The following KIAA1191 variants were observed in gnomAD, a reference collection of about 807,000 sequenced individuals.
The protein encoded by KIAA1191 is putative monooxygenase p33MONOX.
A neutral mutation model predicts 31.1 loss-of-function variants in KIAA1191; 22 were observed. The observed-to-expected ratio is 0.71, with a 90% confidence interval of 0.51 to 1.01. The LOEUF (loss-of-function observed/expected upper bound fraction) is 1.01. Among genes scored for constraint, KIAA1191 ranks in the 50% least tolerant of loss-of-function variants. The probability of loss-of-function intolerance (pLI) is 0.00; values close to 1 mark genes in which losing one functional copy is unlikely to be tolerated. For synonymous variants in KIAA1191, 130 were observed against 143.9 expected (o/e 0.90, Z 0.69); for missense variants, 319 against 388.0 (o/e 0.82, Z 1.49).
At position 176,348,414 on chromosome 5, in the gene KIAA1191, T is replaced by G. The variant is rs1766707797; in HGVS notation, c.460-58A>C. On this transcript the variant is annotated intron_variant, in intron 6 of 8. Coordinates refer to ENST00000298569, the MANE Select transcript of KIAA1191 (RefSeq NM_020444.5). The stretch of plus-strand genomic sequence containing the variant: ...AAAATGAAAGCAAATTCCAAACAGA[T>G]AAGTCTAGGCATAAAAAATTTGGTT... 5.2e-6 allele frequency: 7 copies of G among 1,340,994 alleles called. No homozygotes were observed. The South Asian group carries it at 7.3e-5, about 14-fold the overall frequency. 83.1% of individuals were successfully genotyped at this position (1,340,994 alleles called of 1,614,324 possible). A position where few individuals can be genotyped will look rare whatever the true frequency, so the allele number is the denominator to read the frequency against.
At chr5:176,359,083 C>CAA (rs70991539) in intron 3 of KIAA1191, among the ~76,000 whole-genome samples, 6 of 51,876 alleles carry the variant, frequency 1.2e-4, no homozygotes, top group East Asian at 1.0e-3. Flanking sequence ...GACTCTGTCT[C>CAA]AAAAAAAAAA....
intron 5 of KIAA1191, 107 bp downstream of exon 5, chr5:176,352,515 A>G (rs1047306477): frequency 7.6e-7 from 1 of 1,314,574 alleles, no homozygotes; most frequent in African/African-American, 1.5e-5. Flanking sequence ...ATTTTTTAGG[A>G]TAAGGTAAGG....
chr5:176,355,600 G>C lies in KIAA1191; in HGVS notation c.178C>G (p.Pro60Ala). The C allele has an allele frequency of 6.2e-7, 1 of 1,611,678 alleles. No homozygotes were observed. Among genetic ancestry groups the C allele is most frequent in the Non-Finnish European group, 8.5e-7 (1 of 1,179,444 alleles). The change falls in exon 4 of 9, where the codon CCA becomes GCA. Residue 60 changes from proline (P) to alanine (A), a missense_variant. Coordinates refer to ENST00000298569, the MANE Select transcript of KIAA1191 (RefSeq NM_020444.5). This position sits in a 1 kb window ranked among gnomAD's most constrained non-coding sequence, Gnocchi z 4.2. ...GCGAGGTGCTGATACTTGCGCTCTG[G>C]AATCACTGGCTTCCAAGGGACGCTG... ...MGSVPWKPVI[P>A]ERKYQHLAKV...
Position 176,348,825 on chromosome 5 carries a change from G to A in KIAA1191, c.460-469C>T, listed in dbSNP as rs372463824. On this transcript the variant is annotated intron_variant, in intron 6 of 8. Coordinates refer to ENST00000298569, the MANE Select transcript of KIAA1191 (RefSeq NM_020444.5). The stretch of plus-strand genomic sequence containing the variant: ...CTCTCCAGCTAAATGCTTCCTCTGA[G>A]GAGCCTGTTCCATTCTCTCCTCCTT... 2.0e-5 allele frequency among the ~76,000 whole-genome samples: 3 copies of A among 152,152 alleles called. No homozygotes were observed. In the East Asian group the frequency reaches 5.8e-4, roughly 29 times the overall value.
intron 5 of KIAA1191, 130 bp downstream of exon 5, chr5:176,352,492 C>T: frequency 1.9e-6 from 2 of 1,058,766 alleles, no homozygotes. Flanking sequence ...CATGATTCAG[C>T]AGCCAAACTG....
In KIAA1191 at chr5:176,357,452, AAAT is replaced by A. The variant is rs142058401; in HGVS notation, c.29-1706_29-1704del. 5.5e-3 allele frequency among the ~76,000 whole-genome samples: 833 copies of A among 152,326 alleles called. 9 individuals are homozygous for A. The highest frequency in any genetic ancestry group is 0.019 in the African/African-American group (791 of 41,568). ...TTACATCTCAAACACACACACAAGC[AAAT>A]AATAATTACTAAGTCTTCCTCCTTG... On this transcript the variant is annotated intron_variant, in intron 3 of 8. Coordinates refer to ENST00000298569, the MANE Select transcript of KIAA1191 (RefSeq NM_020444.5).
At position 176,359,495 on chromosome 5, in the gene KIAA1191, T is replaced by G. The variant is rs751126594; in HGVS notation, c.14A>C (p.Gln5Pro). The G allele has an allele frequency of 6.2e-7, 1 of 1,613,852 alleles. No individual in the cohort carries two copies. The highest frequency in any genetic ancestry group is 1.1e-5 in the South Asian group (1 of 91,078). The change falls in exon 3 of 9, where the codon CAA becomes CCA. Residue 5 changes from glutamine (Q) to proline (P), a missense_variant. Transcript: ENST00000298569. The part of the protein sequence containing the change: MASR[Q>P]PEVPALEASA... ...ATTAAGTTTACCAGGCACTTCTGGTTGTCTTGAAGCCATTGAAAGACTGGG... is the reference window on the plus strand; with the variant it reads ...ATTAAGTTTACCAGGCACTTCTGGTGGTCTTGAAGCCATTGAAAGACTGGG...
chr5:176,355,670 G>A lies in KIAA1191; in HGVS notation c.108C>T (p.Thr36=), dbSNP rs758078140. 7.4e-6 allele frequency: 12 copies of A among 1,613,354 alleles called. No homozygotes were observed. Among genetic ancestry groups the A allele is most frequent in the Non-Finnish European group, 8.5e-6 (10 of 1,180,050 alleles). ...GAGTCATGGGCGCAGGGTCCTCGAG[G>A]GTATCATCATAGCTGACTGCCCGGC... is the stretch of plus-strand genomic sequence containing the variant. ...IYRRAVSYDD[T]LEDPAPMTPP... The change falls in exon 4 of 9, where the codon ACC becomes ACT. Residue 36 remains threonine (T), a synonymous_variant. Coordinates refer to ENST00000298569, the MANE Select transcript of KIAA1191 (RefSeq NM_020444.5). This position sits in a 1 kb window ranked among gnomAD's most constrained non-coding sequence, Gnocchi z 4.2.
intron 4 of KIAA1191, 49 bp from the exon 5 acceptor site, chr5:176,352,797 T>A: frequency 6.4e-7 from 1 of 1,565,876 alleles, no homozygotes; most frequent in Non-Finnish European, 8.7e-7. Flanking sequence ...GGCAGGGGAG[T>A]CACACACCTA....
At chr5:176,358,646 G>A (rs1013300946) in intron 3 of KIAA1191, among the ~76,000 whole-genome samples, 2 of 151,974 alleles carry the variant, frequency 1.3e-5, no homozygotes, top group South Asian at 2.1e-4. Flanking sequence ...CCCAGGAGGC[G>A]GAGGTTGCAG....
intron 3 of KIAA1191, among the ~76,000 whole-genome samples, chr5:176,358,591 C>T (rs1429887724): frequency 6.6e-6 from 1 of 152,176 alleles, no homozygotes; most frequent in South Asian, 2.1e-4. Flanking sequence ...TGGCAGGCAG[C>T]TGTAATCCCA....
chr5:176,355,629 A>G lies in KIAA1191; in HGVS notation c.149T>C (p.Met50Thr), dbSNP rs1767445511. Residue 50 changes from methionine (M) to threonine (T), a missense_variant, in exon 4 of 9, where the codon ATG becomes ACG. Physicochemically the swap from Met to Thr is moderately conservative, Grantham distance 81. Transcript: ENST00000298569. The surrounding 1 kb of genome is among the most constrained non-coding windows in gnomAD (Gnocchi z 4.2). ...CACTGGCTTCCAAGGGACGCTGCCCATGTCCGATGGAGGAGGAGTCATGGG... is the reference window on the plus strand; with the variant it reads ...CACTGGCTTCCAAGGGACGCTGCCCGTGTCCGATGGAGGAGGAGTCATGGG... Reference protein sequence around the residue: ...PAPMTPPPSDMGSVPWKPVIP... With the variant: ...PAPMTPPPSDTGSVPWKPVIP... 3 of 1,612,526 alleles carry G rather than the reference A, an allele frequency of 1.9e-6. No homozygotes were observed. The highest frequency in any genetic ancestry group is 2.2e-5 in the South Asian group (2 of 91,018).
chr5:176,347,836 A>G lies in KIAA1191; in HGVS notation c.710-28T>C, dbSNP rs115897835. ...ACAAAAGTGAACCAGAGTGCAAATG[A>G]TTTCAAAACCAGTAAACAGCTCCCG... is the stretch of plus-strand genomic sequence containing the variant. On this transcript the variant is annotated intron_variant, in intron 8 of 8. Coordinates refer to ENST00000298569, the MANE Select transcript of KIAA1191 (RefSeq NM_020444.5). 6.6e-4 allele frequency: 1,065 copies of G among 1,603,542 alleles called. 7 individuals carry two copies. The African/African-American group carries it at 0.012, about 19-fold the overall frequency.
chr5:176,349,736 A>G (rs1250329570), intron 6 of KIAA1191, among the ~76,000 whole-genome samples: 1 of 152,184 alleles, frequency 6.6e-6, no homozygotes, highest in Non-Finnish European at 1.5e-5. Context: ...CTCGTTATGT[A>G]TAATGTATAC....
intron 3 of KIAA1191, among the ~76,000 whole-genome samples, chr5:176,356,528 A>T (rs1348696316): frequency 6.6e-6 from 1 of 152,232 alleles, no homozygotes; most frequent in Non-Finnish European, 1.5e-5. Flanking sequence ...TTTAAACAGT[A>T]GAGTCACTTT....
chr5:176,355,349 G>A lies in KIAA1191; in HGVS notation c.207+222C>T, dbSNP rs1386395054. On this transcript the variant is annotated intron_variant, in intron 4 of 8. Transcript: ENST00000298569. The surrounding 1 kb of genome is among the most constrained non-coding windows in gnomAD (Gnocchi z 4.2). Reference sequence around the variant, plus strand: ...TCACCACTATACAATTCATCCATGCGAACAACACCTCGGGTAACCCTAAAG... The same window carrying A: ...TCACCACTATACAATTCATCCATGCAAACAACACCTCGGGTAACCCTAAAG... Among the ~76,000 whole-genome samples, 1 of 151,298 alleles carries A rather than the reference G, an allele frequency of 6.6e-6. No individual in the cohort carries two copies. The highest frequency in any genetic ancestry group is 1.5e-5 in the Non-Finnish European group (1 of 67,922).
intron 4 of KIAA1191, among the ~76,000 whole-genome samples, 200 bp from the exon 5 acceptor site, chr5:176,352,948 T>C (rs1225318895): frequency 2.0e-5 from 3 of 152,154 alleles, no homozygotes; most frequent in Non-Finnish European, 4.4e-5. Flanking sequence ...ATTAGGTGAA[T>C]AGTTTACATT....
intron 6 of KIAA1191, among the ~76,000 whole-genome samples, chr5:176,349,833 C>G (rs1472665223): frequency 6.6e-6 from 1 of 152,170 alleles, no homozygotes; most frequent in Non-Finnish European, 1.5e-5. Flanking sequence ...TTGGAACAAG[C>G]CTGGATTCTG....
intron 3 of KIAA1191, among the ~76,000 whole-genome samples, chr5:176,358,141 C>T (rs574031234): frequency 3.3e-5 from 5 of 152,266 alleles, no homozygotes; most frequent in African/African-American, 1.2e-4. Context: ...GAACTTGACT[C>T]ATTAAGGGTT....
Sources: gnomAD v4.1 joint callset for allele counts (sites outside exome capture counted in the v4.1 genomes callset) on GRCh38, gnomAD v4.1.1 for gene constraint, Gnocchi (gnomAD v3.1) non-coding constraint, MANE v1.5 for transcripts, NCBI Gene and HGNC (gene_info 2026-07-23, HGNC 2026-07-21) for gene names.